The following CNTNAP5 variants were observed in gnomAD, a reference collection of about 807,000 sequenced individuals.
The protein encoded by CNTNAP5 is contactin associated protein family member 5, also known as contactin-associated protein-like 5.
CNTNAP5 carries 72 observed loss-of-function variants against 150.2 expected under a neutral mutation model. That is an observed-to-expected ratio of 0.48 (90% CI 0.40 to 0.58). The LOEUF (loss-of-function observed/expected upper bound fraction) is 0.58. Among genes scored for constraint, CNTNAP5 ranks in the 20% least tolerant of loss-of-function variants. The probability of loss-of-function intolerance (pLI) is 0.00; values close to 1 mark genes in which losing one functional copy is unlikely to be tolerated. For missense variants in CNTNAP5, 1,636 were observed against 1,626.2 expected (o/e 1.01, Z -0.10); for synonymous variants, 672 against 619.8 (o/e 1.08, Z -1.25).
At chr2:124,188,876 C>T (rs919869068) in intron 1 of CNTNAP5, among the ~76,000 whole-genome samples, 1 of 152,032 alleles carries the variant, frequency 6.6e-6, no homozygotes, top group African/African-American at 2.4e-5. Context: ...GACATTCTGC[C>T]ATCATGAAAA....
At chr2:124,612,603 T>A (rs1677409952) in intron 12 of CNTNAP5, among the ~76,000 whole-genome samples, 1 of 152,186 alleles carries the variant, frequency 6.6e-6, no homozygotes, top group Non-Finnish European at 1.5e-5. Flanking sequence ...ACTGTTTTGC[T>A]GATATGATCC....
chr2:124,090,469 G>A (rs191372194), intron 1 of CNTNAP5, among the ~76,000 whole-genome samples: 2 of 152,116 alleles, frequency 1.3e-5, no homozygotes, highest in African/African-American at 4.8e-5. Context: ...TCAATACCAA[G>A]TATTTATTGA....
chr2:124,417,364 T>C (rs909225844), intron 3 of CNTNAP5, 79 bp from the exon 4 acceptor site: 24 of 1,467,884 alleles, frequency 1.6e-5, no homozygotes, highest in Non-Finnish European at 2.3e-5. Context: ...CAGTACGAGT[T>C]CGTGGAGTAA....
In CNTNAP5 at chr2:124,552,224, G is replaced by A. The variant is rs1412317564; in HGVS notation, c.1650-10993G>A. Among the ~76,000 whole-genome samples the A allele has an allele frequency of 4.6e-5, 7 of 152,278 alleles. No individual in the cohort carries two copies. The East Asian group carries it at 1.4e-3, about 29-fold the overall frequency. ...AGTTTGATGAGGGAAGTAGAGGGCA[G>A]TCGGCTAGACTTGGGTTTAAATGTT... On this transcript the variant is annotated intron_variant, in intron 10 of 23. Coordinates refer to ENST00000682447, the MANE Select transcript of CNTNAP5 (RefSeq NM_001367498.1).
At chr2:124,073,690 A>G (rs1461159043) in intron 1 of CNTNAP5, among the ~76,000 whole-genome samples, 1 of 152,062 alleles carries the variant, frequency 6.6e-6, no homozygotes, top group Non-Finnish European at 1.5e-5. Flanking sequence ...GGCAATAACC[A>G]ATGCTGGCAA....
intron 3 of CNTNAP5, among the ~76,000 whole-genome samples, chr2:124,399,092 A>G (rs539850122): frequency 8.5e-5 from 13 of 152,136 alleles, no homozygotes; most frequent in Admixed American, 3.3e-4. Context: ...TCTTTATTCC[A>G]TTATTCTTCT....
At chr2:124,621,012 G>A (rs1456431328) in intron 12 of CNTNAP5, among the ~76,000 whole-genome samples, 1 of 152,068 alleles carries the variant, frequency 6.6e-6, no homozygotes, top group Non-Finnish European at 1.5e-5. Context: ...CCTGGAGAGA[G>A]CATTTCTGCT....
chr2:124,745,545 A>G (rs1030782043), intron 13 of CNTNAP5, among the ~76,000 whole-genome samples: 2 of 152,148 alleles, frequency 1.3e-5, no homozygotes, highest in Non-Finnish European at 2.9e-5. Flanking sequence ...TGCTTGGCTC[A>G]CCCGAGCAGG....
At chr2:124,360,393 C>A (rs1690164273) in intron 3 of CNTNAP5, among the ~76,000 whole-genome samples, 1 of 148,332 alleles carries the variant, frequency 6.7e-6, no homozygotes, top group South Asian at 2.2e-4. Context: ...GATGCAGTTT[C>A]TTCCTAGTCT....
At chr2:124,128,479 A>C (rs537837296) in intron 1 of CNTNAP5, among the ~76,000 whole-genome samples, 6 of 152,248 alleles carry the variant, frequency 3.9e-5, no homozygotes, top group South Asian at 2.1e-4. Flanking sequence ...TAAACTAGTT[A>C]AACCATTGTG....
In CNTNAP5 at chr2:124,094,280, C is replaced by T. The variant is rs573758433; in HGVS notation, c.82+68548C>T. On this transcript the variant is annotated intron_variant, in intron 1 of 23. Transcript: ENST00000682447. Reference sequence around the variant, plus strand: ...AATAGGAGGAACTTTGAAATCTGTCCTATGTGCATTTAATTTCTGCTCCTT... The same window carrying T: ...AATAGGAGGAACTTTGAAATCTGTCTTATGTGCATTTAATTTCTGCTCCTT... 2.6e-5 allele frequency among the ~76,000 whole-genome samples: 4 copies of T among 152,236 alleles called. No homozygotes were observed. The South Asian group carries it at 8.3e-4, about 32-fold the overall frequency.
intron 1 of CNTNAP5, among the ~76,000 whole-genome samples, chr2:124,152,742 C>T (rs569349393): frequency 9.9e-5 from 15 of 152,116 alleles, no homozygotes; most frequent in South Asian, 8.3e-4. Context: ...GGAGGGACCA[C>T]GGACAGAACA....
intron 1 of CNTNAP5, among the ~76,000 whole-genome samples, chr2:124,143,773 T>C (rs921237043): frequency 5.3e-5 from 7 of 132,330 alleles, no homozygotes; most frequent in Non-Finnish European, 1.1e-4. Flanking sequence ...TTCAACATAG[T>C]GTTGGAAGTT....
intron 18 of CNTNAP5, among the ~76,000 whole-genome samples, chr2:124,794,931 T>C (rs1448397620): frequency 6.6e-6 from 1 of 152,228 alleles, no homozygotes; most frequent in Admixed American, 6.5e-5. Context: ...ATTTTTGAAA[T>C]AATTGCTCAG....
At chr2:124,119,643 C>A (rs1034266742) in intron 1 of CNTNAP5, among the ~76,000 whole-genome samples, 1 of 152,146 alleles carries the variant, frequency 6.6e-6, no homozygotes, top group Non-Finnish European at 1.5e-5. Flanking sequence ...CATAGTGGCT[C>A]ATGCCTGAGA....
chr2:124,768,271 A>ATGTGTGTGTGTGTGTG (rs10598326), intron 16 of CNTNAP5, among the ~76,000 whole-genome samples: 1 of 131,220 alleles, frequency 7.6e-6, no homozygotes, highest in Non-Finnish European at 1.8e-5. Context: ...TACTGTATGT[A>ATGTGTGTGTGTGTGTG]TGTGTGTGTG....
At chr2:124,376,869 A>C (rs933732144) in intron 3 of CNTNAP5, among the ~76,000 whole-genome samples, 54 of 152,084 alleles carry the variant, frequency 3.6e-4, no homozygotes, top group African/African-American at 1.2e-3. Context: ...GGTTTCACGC[A>C]CCAGAGAAGT....
chr2:124,523,760 G>A (rs1004055997), intron 8 of CNTNAP5, among the ~76,000 whole-genome samples: 14 of 152,178 alleles, frequency 9.2e-5, no homozygotes, highest in African/African-American at 2.6e-4. Context: ...TATGAAAAAC[G>A]CTGCAATTGG....
Position 124,869,712 on chromosome 2 carries a change from C to A in CNTNAP5, c.3386C>A (p.Pro1129Gln), listed in dbSNP as rs764158287. ...CTTCGACTCAGTTATAACTTCTCTC[C>A]GGAAGTAGAGTTCAGGGTTATAAGG... is the stretch of plus-strand genomic sequence containing the variant. ...QQLRLSYNFS[P>Q]EVEFRVIRSL... The change falls in exon 21 of 24, where the codon CCG becomes CAG. Residue 1129 changes from proline to glutamine, a missense_variant. Coordinates refer to ENST00000682447, the MANE Select transcript of CNTNAP5 (RefSeq NM_001367498.1). 6.2e-7 allele frequency: 1 copy of A among 1,611,568 alleles called. No individual in the cohort carries two copies. Among genetic ancestry groups the A allele is most frequent in the Non-Finnish European group, 8.5e-7 (1 of 1,178,486 alleles).
Sources: allele counts gnomAD v4.1 joint callset (sites outside exome capture counted in the v4.1 genomes callset), GRCh38; gene constraint gnomAD v4.1.1; transcripts MANE v1.5; gene names NCBI Gene and HGNC (gene_info 2026-07-23, HGNC 2026-07-21).